RGS6: variants seen among roughly 807,000 people sequenced by gnomAD.
RGS6 encodes regulator of G protein signaling 6.
Under a neutral mutation model 78.5 loss-of-function variants are expected in RGS6, and 30 were observed. The ratio of observed to expected loss-of-function variants is 0.38; its 90% confidence interval spans 0.29 to 0.52. The LOEUF is 0.52. RGS6 is among the 20% of genes least tolerant of loss of function. The pLI, the probability that RGS6 is intolerant of heterozygous loss-of-function variation, is 0.85. For missense variants in RGS6, 495 were observed against 609.7 expected (o/e 0.81, Z 1.98); for synonymous variants, 206 against 206.0 (o/e 1.00, Z 0.00).
intron 2 of RGS6, among the ~76,000 whole-genome samples, chr14:72,028,515 G>A (rs1180328321): frequency 6.6e-6 from 1 of 152,212 alleles, no homozygotes; most frequent in Non-Finnish European, 1.5e-5. Context: ...GTAATAGCAT[G>A]CTAATGCTAT....
the RGS6 span, chr14:72,629,623 C>T: frequency 6.5e-7 from 1 of 1,535,514 alleles, no homozygotes; most frequent in Non-Finnish European, 8.7e-7. Flanking sequence ...CCCAAACTCA[C>T]ATCATTCTCT....
chr14:72,278,314 A>G (rs950620825), intron 2 of RGS6, among the ~76,000 whole-genome samples: 1 of 152,184 alleles, frequency 6.6e-6, no homozygotes, highest in Non-Finnish European at 1.5e-5. Flanking sequence ...AAAAACACTG[A>G]TTTACAGGCT....
chr14:71,930,152 C>T (rs1367627479), upstream of RGS6, among the ~76,000 whole-genome samples: 1 of 143,196 alleles, frequency 7.0e-6, no homozygotes. Flanking sequence ...CACACATATA[C>T]ACTTATATTT....
At chr14:72,340,904 G>T (rs146628650) in intron 2 of RGS6, among the ~76,000 whole-genome samples, 9 of 152,272 alleles carry the variant, frequency 5.9e-5, no homozygotes, top group African/African-American at 1.9e-4. Context: ...TGTTCCAGAG[G>T]GAAAGAAGCG....
chr14:71,884,182 T>A, the RGS6 span, among the ~76,000 whole-genome samples: 1 of 152,218 alleles, frequency 6.6e-6, no homozygotes, highest in Non-Finnish European at 1.5e-5. Flanking sequence ...AGTGTCGTTG[T>A]GTTGTTTCCC....
chr14:72,096,401 CAGG>C (rs1415309721), intron 2 of RGS6, among the ~76,000 whole-genome samples: 1 of 152,144 alleles, frequency 6.6e-6, no homozygotes, highest in Non-Finnish European at 1.5e-5. Flanking sequence ...TCATGGGGAA[CAGG>C]AGCCCAAAGA....
At chr14:72,535,006 A>G (rs961892490) in intron 15 of RGS6, among the ~76,000 whole-genome samples, 1 of 152,150 alleles carries the variant, frequency 6.6e-6, no homozygotes, top group Non-Finnish European at 1.5e-5. Flanking sequence ...CTCCTAACAC[A>G]TTCTCTCTTG....
At chr14:72,619,078 C>T in the RGS6 span, among the ~76,000 whole-genome samples, 2 of 152,194 alleles carry the variant, frequency 1.3e-5, no homozygotes, top group Admixed American at 6.5e-5. Context: ...CAACTTCCTT[C>T]CGGTAGAGAC....
chr14:72,206,322 G>C (rs2042699829), intron 2 of RGS6, among the ~76,000 whole-genome samples: 1 of 152,074 alleles, frequency 6.6e-6, no homozygotes, highest in Non-Finnish European at 1.5e-5. Context: ...CAGCCCACCT[G>C]TATGTATTCA....
the RGS6 span, among the ~76,000 whole-genome samples, chr14:72,583,722 T>A: frequency 6.6e-6 from 1 of 152,194 alleles, no homozygotes; most frequent in African/African-American, 2.4e-5. Flanking sequence ...TCACGGGGTC[T>A]CTTTTATAAG....
rs867844306 is a variant in RGS6, at chr14:72,053,091, T to C, written c.84+88216T>C. ...TCCCTCCCTCCCTCCCTTCCTTCCT[T>C]CCTTCCTTCCTTCCTTCCTTCCTTC... On this transcript the variant is annotated intron_variant, in intron 2 of 17. Transcript: ENST00000553525. 3.5e-3 allele frequency among the ~76,000 whole-genome samples: 99 copies of C among 28,528 alleles called. 3 individuals are homozygous for C. The highest frequency in any genetic ancestry group is 6.6e-3 in the African/African-American group (39 of 5,906). 18.7% of individuals were successfully genotyped at this position (28,528 alleles called of 152,430 possible).
intron 2 of RGS6, among the ~76,000 whole-genome samples, chr14:72,235,355 G>A (rs776565150): frequency 7.9e-5 from 12 of 152,144 alleles, no homozygotes; most frequent in East Asian, 1.9e-4. Flanking sequence ...TCCCTACATC[G>A]TCTTAAAGAA....
chr14:72,563,079 C>T lies in RGS6; in HGVS notation c.*612C>T. ...AAAGCAACCTCACGGATTGCCCCGCCTCAAGGTCTTTCCACCCTCTTTGAG... is the reference window on the plus strand; with the variant it reads ...AAAGCAACCTCACGGATTGCCCCGCTTCAAGGTCTTTCCACCCTCTTTGAG... On this transcript the variant is annotated 3_prime_UTR_variant, in exon 18 of 18. Coordinates refer to ENST00000553525, the MANE Select transcript of RGS6 (RefSeq NM_001204424.2). The T allele has an allele frequency of 2.5e-6, 1 of 402,958 alleles. No homozygotes were observed. The highest frequency in any genetic ancestry group is 4.7e-6 in the Non-Finnish European group (1 of 214,834). 25.0% of individuals were successfully genotyped at this position (402,958 alleles called of 1,614,324 possible). A position where few individuals can be genotyped will look rare whatever the true frequency, so the allele number is the denominator to read the frequency against.
intron 17 of RGS6, among the ~76,000 whole-genome samples, chr14:72,562,153 T>C (rs1413377790): frequency 6.6e-6 from 1 of 152,148 alleles, no homozygotes; most frequent in Non-Finnish European, 1.5e-5. Flanking sequence ...AAAATTCCCA[T>C]ACCACAAAAA....
In RGS6 at chr14:72,007,715, C is replaced by G. The variant is rs939334322; in HGVS notation, c.84+42840C>G. Among the ~76,000 whole-genome samples, 4 of 152,100 alleles carry G rather than the reference C, an allele frequency of 2.6e-5. No homozygotes were observed. The East Asian group carries it at 7.7e-4, about 29-fold the overall frequency. ...TGCCTTACAGATCCTCTCTATCAAC[C>G]AGTAGTGCTCCCTGGAAGCTCACAG... On this transcript the variant is annotated intron_variant, in intron 2 of 17. Coordinates refer to ENST00000553525, the MANE Select transcript of RGS6 (RefSeq NM_001204424.2).
chr14:72,008,614 G>T (rs1467549932), intron 2 of RGS6, among the ~76,000 whole-genome samples: 2 of 152,130 alleles, frequency 1.3e-5, no homozygotes, highest in African/African-American at 4.8e-5. Flanking sequence ...CTTCCATTTT[G>T]GTCCTGCTCT....
chr14:72,121,643 C>T (rs1478737360), intron 2 of RGS6, among the ~76,000 whole-genome samples: 1 of 152,170 alleles, frequency 6.6e-6, no homozygotes, highest in Non-Finnish European at 1.5e-5. Flanking sequence ...GACAGCAGGG[C>T]AGCCCTAGTG....
At chr14:72,562,120 T>C (rs1185029198) in intron 17 of RGS6, among the ~76,000 whole-genome samples, 2 of 152,212 alleles carry the variant, frequency 1.3e-5, no homozygotes, top group African/African-American at 4.8e-5. Flanking sequence ...CCTAAAGGTT[T>C]AAATACCTGG....
chr14:72,321,502 A>C (rs4899432), intron 2 of RGS6, among the ~76,000 whole-genome samples: 1 of 152,018 alleles, frequency 6.6e-6, no homozygotes, highest in Non-Finnish European at 1.5e-5. Context: ...AAATAGAAGG[A>C]TGAGCAAAGG....
Sources: allele counts gnomAD v4.1 joint callset (sites outside exome capture counted in the v4.1 genomes callset), GRCh38; gene constraint gnomAD v4.1.1; transcripts MANE v1.5; gene names NCBI Gene and HGNC (gene_info 2026-07-23, HGNC 2026-07-21).